The following ROBO1 variants were observed in gnomAD, a reference collection of about 807,000 sequenced individuals.
The protein encoded by ROBO1 is roundabout guidance receptor 1, also known as roundabout homolog 1.
In ROBO1, 149 loss-of-function variants were observed where a neutral mutation model predicts 195.9. The observed-to-expected ratio is 0.76, with a 90% CI of 0.67 to 0.87. ROBO1 has a LOEUF of 0.87. Among genes scored for constraint, ROBO1 ranks in the 40% least tolerant of loss-of-function variants. ROBO1 has a pLI of 0.00. For synonymous variants in ROBO1, 816 were observed against 733.2 expected (o/e 1.11, Z -1.82); for missense variants, 1,933 against 2,068.3 (o/e 0.93, Z 1.27).
At chr3:78,603,518 G>T (rs1703295576) in intron 29 of ROBO1, among the ~76,000 whole-genome samples, 1 of 151,996 alleles carries the variant, frequency 6.6e-6, no homozygotes. Context: ...TAAATCTCAG[G>T]ATTTAATACA....
intron 2 of ROBO1, among the ~76,000 whole-genome samples, chr3:79,265,638 T>G (rs1435271749): frequency 2.6e-5 from 4 of 151,570 alleles, no homozygotes; most frequent in East Asian, 1.9e-4. Flanking sequence ...AGTCACTATA[T>G]TGTGACATTA....
At chr3:79,582,737 C>T (rs1943699325) in intron 2 of ROBO1, among the ~76,000 whole-genome samples, 1 of 151,990 alleles carries the variant, frequency 6.6e-6, no homozygotes, top group African/African-American at 2.4e-5. Flanking sequence ...ATGGCTCCTC[C>T]AGATTTGAAC....
chr3:78,661,415 A>C (rs77538557), intron 15 of ROBO1, among the ~76,000 whole-genome samples, 154 bp from the exon 16 acceptor site: 5,169 of 152,308 alleles, frequency 0.034, 279 homozygotes, highest in African/African-American at 0.12. Flanking sequence ...AAAGGAAAAA[A>C]TAAAAATCAT....
intron 2 of ROBO1, among the ~76,000 whole-genome samples, chr3:79,443,865 C>A (rs912208872): frequency 3.3e-5 from 5 of 150,364 alleles, no homozygotes; most frequent in Non-Finnish European, 5.9e-5. Context: ...ATAGAGCACA[C>A]AGGGAAAAAA....
chr3:79,490,887 T>C (rs7616713), intron 2 of ROBO1, among the ~76,000 whole-genome samples: 46,573 of 151,914 alleles, frequency 0.31, 7,383 homozygotes, highest in Non-Finnish European at 0.35. Flanking sequence ...TGAAGACTTA[T>C]TTTTCACTGT....
intron 2 of ROBO1, among the ~76,000 whole-genome samples, chr3:79,335,052 G>A (rs2034609014): frequency 6.6e-6 from 1 of 152,144 alleles, no homozygotes; most frequent in South Asian, 2.1e-4. Flanking sequence ...GGGAGGTTGA[G>A]GTTGCCATGA....
At chr3:78,609,497 G>C (rs746566722) in intron 28 of ROBO1, among the ~76,000 whole-genome samples, 1 of 152,178 alleles carries the variant, frequency 6.6e-6, no homozygotes, top group Non-Finnish European at 1.5e-5. Flanking sequence ...CACACACACA[G>C]AGACAGCCTT....
intron 2 of ROBO1, among the ~76,000 whole-genome samples, chr3:79,129,613 T>A (rs1299460069): frequency 1.3e-5 from 2 of 152,188 alleles, no homozygotes; most frequent in African/African-American, 4.8e-5. Flanking sequence ...TTTGGGTTTT[T>A]AAACATTAAT....
At chr3:79,107,320 G>A (rs558855333) in intron 3 of ROBO1, among the ~76,000 whole-genome samples, 23 of 151,746 alleles carry the variant, frequency 1.5e-4, no homozygotes, top group South Asian at 1.2e-3. Flanking sequence ...GAAGTGATGC[G>A]TTTCATATCA....
chr3:79,511,822 A>G (rs1043828473), intron 2 of ROBO1, among the ~76,000 whole-genome samples: 5 of 152,198 alleles, frequency 3.3e-5, no homozygotes, highest in African/African-American at 1.2e-4. Context: ...ATGCAGGAAC[A>G]GAAAACCAAA....
At chr3:79,268,942 T>G (rs1280038351) in intron 2 of ROBO1, among the ~76,000 whole-genome samples, 1 of 151,766 alleles carries the variant, frequency 6.6e-6, no homozygotes, top group Non-Finnish European at 1.5e-5. Context: ...TATTTCATAA[T>G]AAGTACAACA....
At chr3:78,920,624 G>GATT (rs2038884212) in intron 4 of ROBO1, among the ~76,000 whole-genome samples, 1 of 60,962 alleles carries the variant, frequency 1.6e-5, no homozygotes, top group African/African-American at 7.4e-5. Context: ...CTTTCTTTCA[G>GATT]TTTTTTTTTT....
chr3:79,375,350 C>A lies in ROBO1; in HGVS notation c.88+214474G>T, dbSNP rs79007877. On this transcript the variant is annotated intron_variant, in intron 2 of 30. Coordinates refer to ENST00000464233, the MANE Select transcript of ROBO1 (RefSeq NM_002941.4). ...TATGGCATGGACTCCAGAAAATGAC[C>A]AGCAGCCCAAGGGGACGGATGGAAA... is the stretch of plus-strand genomic sequence containing the variant. Among the ~76,000 whole-genome samples, 1,274 of 152,222 alleles carry A rather than the reference C, an allele frequency of 8.4e-3. 22 individuals carry two copies. Among genetic ancestry groups the A allele is most frequent in the African/African-American group, 0.029 (1,210 of 41,528 alleles).
chr3:78,695,421 C>G (rs950791768), intron 8 of ROBO1, among the ~76,000 whole-genome samples: 1 of 151,836 alleles, frequency 6.6e-6, no homozygotes, highest in Non-Finnish European at 1.5e-5. Flanking sequence ...GTCAGGAGAT[C>G]GAGACCATCC....
intron 1 of ROBO1, among the ~76,000 whole-genome samples, chr3:79,699,730 A>T (rs1246184975): frequency 6.6e-6 from 1 of 151,550 alleles, no homozygotes; most frequent in East Asian, 1.9e-4. Context: ...CATTTTCTAG[A>T]TCTAGGTTCT....
At chr3:79,244,073 G>T (rs2108888874) in intron 2 of ROBO1, among the ~76,000 whole-genome samples, 1 of 152,084 alleles carries the variant, frequency 6.6e-6, no homozygotes, top group South Asian at 2.1e-4. Context: ...ATTTCTTTTG[G>T]TTCTACCAGC....
intron 3 of ROBO1, among the ~76,000 whole-genome samples, chr3:78,959,730 T>C (rs1373524137): frequency 1.3e-5 from 2 of 152,184 alleles, no homozygotes; most frequent in African/African-American, 4.8e-5. Flanking sequence ...CAACAAGAGA[T>C]ATATGCCATC....
At chr3:79,362,878 T>C (rs577826611) in intron 2 of ROBO1, among the ~76,000 whole-genome samples, 62 of 152,248 alleles carry the variant, frequency 4.1e-4, no homozygotes, top group African/African-American at 1.4e-3. Context: ...GAGTTCTTCA[T>C]AGCCCGGGAG....
intron 2 of ROBO1, among the ~76,000 whole-genome samples, chr3:79,355,124 C>CCACTG (rs2035495573): frequency 6.6e-6 from 1 of 151,936 alleles, no homozygotes; most frequent in Non-Finnish European, 1.5e-5. Flanking sequence ...CGAGATTGTG[C>CCACTG]CACTGCATTC....
Sources: allele counts gnomAD v4.1 joint callset (sites outside exome capture counted in the v4.1 genomes callset), GRCh38; gene constraint gnomAD v4.1.1; transcripts MANE v1.5; gene names NCBI Gene and HGNC (gene_info 2026-07-23, HGNC 2026-07-21).